The following HMGB1 variants were observed in gnomAD, a reference collection of about 807,000 sequenced individuals.
HMGB1 encodes high mobility group box 1, also known as high mobility group protein B1.
For synonymous variants in HMGB1, 81 were observed against 84.0 expected (o/e 0.96, Z 0.19); for missense variants, 79 against 253.5 (o/e 0.31, Z 4.67).
chr13:30,503,878 C>T (rs1171834112), intron 1 of HMGB1, among the ~76,000 whole-genome samples: 1 of 151,958 alleles, frequency 6.6e-6, no homozygotes, highest in African/African-American at 2.4e-5. Flanking sequence ...GCTATGATCA[C>T]ACCTGTGAAT....
At position 30,498,749 on chromosome 13, in the gene HMGB1, G is replaced by A. The variant is rs144394760; in HGVS notation, c.-14-35055C>T. ...TGAAACCTCCACCTCCTGTGTTCAA[G>A]AGATTCTCCTGCCTTAGCCTCCCGA... On this transcript the variant is annotated intron_variant, in intron 1 of 4. Coordinates refer to the HMGB1 transcript ENST00000405805. Among the ~76,000 whole-genome samples, 17 of 151,668 alleles carry A rather than the reference G, an allele frequency of 1.1e-4. No individual in the cohort carries two copies. The East Asian group carries it at 3.1e-3, about 28-fold the overall frequency.
chr13:30,502,550 A>C (rs1411109227), intron 1 of HMGB1, among the ~76,000 whole-genome samples: 1 of 152,248 alleles, frequency 6.6e-6, no homozygotes, highest in African/African-American at 2.4e-5. Context: ...TAGGCACATC[A>C]TAAAATTCAC....
chr13:30,612,199 A>G (rs1218958926), intron 1 of HMGB1, among the ~76,000 whole-genome samples: 1 of 152,150 alleles, frequency 6.6e-6, no homozygotes, highest in Non-Finnish European at 1.5e-5. Context: ...ATACATATAC[A>G]CATACACATA....
chr13:30,550,034 A>C (rs140027130), intron 1 of HMGB1, among the ~76,000 whole-genome samples: 1 of 152,208 alleles, frequency 6.6e-6, no homozygotes, highest in East Asian at 1.9e-4. Flanking sequence ...CTATTTTTTA[A>C]AGCATGTGAT....
rs1343700984 is a variant in HMGB1, at chr13:30,465,109, C to G, written c.-15+687G>C. ...TGCGCCCAGCTCCCCCGCCCGCCCG[C>G]CTTGTTTTCTCTCCAGCCAGCAGCG... On this transcript the variant is annotated intron_variant, in intron 1 of 4. Transcript: ENST00000341423. 3 of 956,232 alleles carry G rather than the reference C, an allele frequency of 3.1e-6. No homozygotes were observed. In the East Asian group the frequency reaches 3.6e-4, roughly 115 times the overall value. The allele number at this position is 956,232 out of a possible 1,614,324, so 59.2% of individuals were successfully genotyped here.
chr13:30,582,538 T>A (rs1870947402), intron 1 of HMGB1, among the ~76,000 whole-genome samples: 1 of 151,826 alleles, frequency 6.6e-6, no homozygotes, highest in South Asian at 2.1e-4. Context: ...CTCGGGAGGC[T>A]GAGGCCGGAG....
chr13:30,559,115 G>T lies in HMGB1; in HGVS notation c.-15+57556C>A, dbSNP rs1869824625. Among the ~76,000 whole-genome samples the T allele has an allele frequency of 6.6e-6, 1 of 152,010 alleles. No homozygotes were observed. The highest frequency in any genetic ancestry group is 1.5e-5 in the Non-Finnish European group (1 of 68,008). On this transcript the variant is annotated intron_variant, in intron 1 of 4. Transcript: ENST00000405805. The surrounding 1 kb of genome is among the most constrained non-coding windows in gnomAD (Gnocchi z 6.6). ...CTTTTGAGGACTTCTCTAGAAATAG[G>T]TGAGTCTGTTTCTTACATTGCCAAA...
At chr13:30,556,404 C>CA (rs1336246676) in intron 1 of HMGB1, among the ~76,000 whole-genome samples, 1 of 152,024 alleles carries the variant, frequency 6.6e-6, no homozygotes, top group East Asian at 1.9e-4. Context: ...AACTCTGTTT[C>CA]AAAAAAGAAA....
At chr13:30,616,897 C>T (rs1013127084) in exon 1 of HMGB1, 1 of 152,154 alleles carries the variant, frequency 6.6e-6, no homozygotes, top group African/African-American at 2.4e-5. Flanking sequence ...TGTGGTTTTT[C>T]TGTAAAGAAA....
chr13:30,610,087 T>G (rs1950499706), intron 1 of HMGB1, among the ~76,000 whole-genome samples: 3 of 152,156 alleles, frequency 2.0e-5, no homozygotes, highest in Admixed American at 6.5e-5. Flanking sequence ...TTCCTTATGA[T>G]TTTCTTAGTA....
At chr13:30,490,871 G>T (rs1167713152) in intron 1 of HMGB1, among the ~76,000 whole-genome samples, 1 of 151,988 alleles carries the variant, frequency 6.6e-6, no homozygotes, top group Non-Finnish European at 1.5e-5. Context: ...TGTAGGCAAA[G>T]GTACACTGCT....
chr13:30,597,243 T>C (rs1302366253), intron 1 of HMGB1, among the ~76,000 whole-genome samples: 2 of 151,924 alleles, frequency 1.3e-5, no homozygotes, highest in African/African-American at 4.8e-5. Flanking sequence ...GAAATTTGGA[T>C]ACAGATACAC....
At chr13:30,530,502 T>C (rs1888470590) in intron 1 of HMGB1, among the ~76,000 whole-genome samples, 1 of 152,184 alleles carries the variant, frequency 6.6e-6, no homozygotes, top group Non-Finnish European at 1.5e-5. Flanking sequence ...TGGATACCCT[T>C]TGACCAATAC....
intron 1 of HMGB1, among the ~76,000 whole-genome samples, chr13:30,561,945 T>C (rs1869970462): frequency 6.6e-6 from 1 of 152,140 alleles, no homozygotes; most frequent in Non-Finnish European, 1.5e-5. Context: ...TCTGAGTGAA[T>C]GTGGAGATAT....
intron 1 of HMGB1, chr13:30,543,538 G>C (rs79960841): frequency 6.6e-6 from 1 of 152,428 alleles, no homozygotes; most frequent in African/African-American, 2.4e-5. Flanking sequence ...GAACTTACAT[G>C]TCACCCACCT....
chr13:30,521,707 T>C (rs1888242718), intron 1 of HMGB1, among the ~76,000 whole-genome samples: 1 of 152,206 alleles, frequency 6.6e-6, no homozygotes, highest in Admixed American at 6.5e-5. Flanking sequence ...TAGATACGTG[T>C]TTTCACGTCT....
intron 1 of HMGB1, among the ~76,000 whole-genome samples, chr13:30,477,850 T>C (rs1316945710): frequency 2.0e-5 from 3 of 152,136 alleles, no homozygotes; most frequent in Admixed American, 6.5e-5. Flanking sequence ...CAGGCCTCTT[T>C]GTTTAAAAAA....
intron 1 of HMGB1, among the ~76,000 whole-genome samples, chr13:30,487,333 G>A (rs542563515): frequency 6.6e-6 from 1 of 152,324 alleles, no homozygotes. Context: ...TGCAAGGAGC[G>A]CCATGAAATA....
At chr13:30,528,453 G>A (rs1160485758) in intron 1 of HMGB1, among the ~76,000 whole-genome samples, 1 of 152,160 alleles carries the variant, frequency 6.6e-6, no homozygotes, top group Admixed American at 6.5e-5. Context: ...AAGGACTACC[G>A]TATTGCGCTC....
Sources: allele counts gnomAD v4.1 joint callset (sites outside exome capture counted in the v4.1 genomes callset), GRCh38; gene constraint gnomAD v4.1.1; non-coding constraint Gnocchi (gnomAD v3.1); transcripts MANE v1.5; gene names NCBI Gene and HGNC (gene_info 2026-07-23, HGNC 2026-07-21).